The following SASH1 variants were observed in gnomAD, a reference collection of about 807,000 sequenced individuals.
The protein encoded by SASH1 is SAM and SH3 domain-containing protein 1.
In SASH1, 44 loss-of-function variants were observed where a neutral mutation model predicts 125.2. The observed-to-expected ratio is 0.35, with a 90% confidence interval of 0.28 to 0.45. SASH1 has a LOEUF of 0.45. Among genes scored for constraint, SASH1 ranks in the 20% least tolerant of loss-of-function variants. The pLI, the probability that SASH1 is intolerant of heterozygous loss-of-function variation, is 1.00. For missense variants in SASH1, 1,426 were observed against 1,614.5 expected (o/e 0.88, Z 2.00); for synonymous variants, 639 against 649.1 (o/e 0.98, Z 0.24).
intron 1 of SASH1, among the ~76,000 whole-genome samples, chr6:148,326,170 G>A (rs1780789330): frequency 6.7e-6 from 1 of 149,002 alleles, no homozygotes; most frequent in African/African-American, 2.5e-5. Context: ...TGGGATTACA[G>A]GTGTCCACCA....
At chr6:148,491,057 G>A (rs938067737) in intron 8 of SASH1, among the ~76,000 whole-genome samples, 5 of 152,216 alleles carry the variant, frequency 3.3e-5, no homozygotes, top group Middle Eastern at 3.4e-3. Flanking sequence ...GTCCTCAAGC[G>A]TATTTATTGC....
chr6:148,369,966 C>CAAAAAAAAAAAAAAAAAAAA (rs562924566), intron 1 of SASH1, among the ~76,000 whole-genome samples: 63 of 93,376 alleles, frequency 6.7e-4, no homozygotes, highest in South Asian at 1.3e-3. Flanking sequence ...AAAAGAAAAA[C>CAAAAAAAAAAAAAAAAAAAA]AAAAAAAAAA....
upstream of SASH1, among the ~76,000 whole-genome samples, chr6:148,341,742 G>A (rs1416232785): frequency 6.6e-6 from 1 of 151,628 alleles, no homozygotes; most frequent in Non-Finnish European, 1.5e-5. Context: ...CTCAAAACAA[G>A]CAGGGCTCTC....
intron 2 of SASH1, among the ~76,000 whole-genome samples, chr6:148,422,424 T>C (rs1025819554): frequency 2.6e-5 from 4 of 152,198 alleles, no homozygotes; most frequent in African/African-American, 4.8e-5. Context: ...AAAGAAAAAG[T>C]TGGGCCTTGT....
chr6:148,396,883 TGAA>T (rs1363464061), intron 2 of SASH1, among the ~76,000 whole-genome samples: 1 of 152,114 alleles, frequency 6.6e-6, no homozygotes, highest in African/African-American at 2.4e-5. Flanking sequence ...GAGGCTTAAA[TGAA>T]AAAAATTGCT....
At chr6:148,347,302 CCT>C (rs766170664) in intron 1 of SASH1, among the ~76,000 whole-genome samples, 21 of 152,130 alleles carry the variant, frequency 1.4e-4, no homozygotes, top group African/African-American at 2.9e-4. Context: ...CCTGAAATTT[CCT>C]CTGTTTTTGC....
At chr6:148,303,709 C>T (rs540045760) in intron 1 of SASH1, among the ~76,000 whole-genome samples, 9 of 151,342 alleles carry the variant, frequency 5.9e-5, no homozygotes, top group African/African-American at 1.5e-4. Context: ...GCAGGAGAAT[C>T]GCTAGAACTC....
chr6:148,291,721 G>A (rs886153622), intron 1 of SASH1, among the ~76,000 whole-genome samples: 17 of 151,808 alleles, frequency 1.1e-4, no homozygotes, highest in Non-Finnish European at 8.8e-5. Flanking sequence ...TTTATGACTC[G>A]GGGACTTTTT....
intron 2 of SASH1, among the ~76,000 whole-genome samples, chr6:148,408,516 T>C (rs1784472601): frequency 6.6e-6 from 1 of 152,212 alleles, no homozygotes; most frequent in Non-Finnish European, 1.5e-5. Context: ...ACTCAATGTA[T>C]AAAAGAAGTT....
intron 1 of SASH1, among the ~76,000 whole-genome samples, chr6:148,350,161 A>G (rs1475976861): frequency 6.6e-6 from 1 of 152,040 alleles, no homozygotes; most frequent in East Asian, 1.9e-4. Flanking sequence ...CTTTCTCTCT[A>G]AAGGAAAAGG....
the SASH1 span, among the ~76,000 whole-genome samples, chr6:148,238,812 CG>C: frequency 2.0e-5 from 3 of 152,120 alleles, no homozygotes; most frequent in African/African-American, 7.2e-5. Flanking sequence ...CATCTAGGCA[CG>C]TTCCTCTGCT....
At chr6:148,218,909 T>A in the SASH1 span, among the ~76,000 whole-genome samples, 1 of 152,162 alleles carries the variant, frequency 6.6e-6, no homozygotes, top group East Asian at 1.9e-4. Context: ...CTCTGAAATA[T>A]CCCTCTTCCA....
At chr6:148,364,587 C>T (rs759545393) in intron 1 of SASH1, among the ~76,000 whole-genome samples, 1 of 152,024 alleles carries the variant, frequency 6.6e-6, no homozygotes, top group Non-Finnish European at 1.5e-5. Context: ...TCAAGAAGAA[C>T]GTAAGGCTAG....
chr6:148,484,230 C>T (rs971295583), intron 7 of SASH1, among the ~76,000 whole-genome samples: 1 of 152,106 alleles, frequency 6.6e-6, no homozygotes, highest in Non-Finnish European at 1.5e-5. Context: ...ATAAGCATTA[C>T]TCTTTTAAAG....
At chr6:148,448,996 T>A (rs1461415381) in intron 4 of SASH1, among the ~76,000 whole-genome samples, 1 of 152,032 alleles carries the variant, frequency 6.6e-6, no homozygotes, top group Non-Finnish European at 1.5e-5. Context: ...ACTTCTATAG[T>A]CTTTCCTTTG....
rs901320020 is a variant in SASH1 at position 148,508,689 on chromosome 6, G to A, written c.730-5635G>A. On this transcript the variant is annotated intron_variant, in intron 8 of 19. Transcript: ENST00000367467. The stretch of plus-strand genomic sequence containing the variant: ...TCTTCCCCTTTCTCCTTCGGATACT[G>A]AGCTGTGACGGTGGAGCCTGCCTGA... 6 of 1,186,696 alleles carry A rather than the reference G, an allele frequency of 5.1e-6. No individual in the cohort carries two copies. The African/African-American group carries it at 9.6e-5, about 19-fold the overall frequency. 73.5% of individuals were successfully genotyped at this position (1,186,696 alleles called of 1,614,324 possible). A position where few individuals can be genotyped will look rare whatever the true frequency, so the allele number is the denominator to read the frequency against.
upstream of SASH1, among the ~76,000 whole-genome samples, chr6:148,337,958 C>A (rs1781209693): frequency 6.7e-6 from 1 of 149,958 alleles, no homozygotes; most frequent in African/African-American, 2.4e-5. Flanking sequence ...TTGGAATTCA[C>A]TCACCCACAG....
intron 1 of SASH1, among the ~76,000 whole-genome samples, chr6:148,273,426 TG>T (rs1779112449): frequency 6.6e-6 from 1 of 151,518 alleles, no homozygotes; most frequent in Non-Finnish European, 1.5e-5. Context: ...CCTGAGTAGC[TG>T]GGATTACAGG....
At chr6:148,405,788 A>G (rs1439132129) in intron 2 of SASH1, among the ~76,000 whole-genome samples, 2 of 152,208 alleles carry the variant, frequency 1.3e-5, no homozygotes, top group Non-Finnish European at 2.9e-5. Flanking sequence ...ATTTTCCCAT[A>G]GAAACTTGTT....
Sources: allele counts gnomAD v4.1 joint callset (sites outside exome capture counted in the v4.1 genomes callset), GRCh38; gene constraint gnomAD v4.1.1; transcripts MANE v1.5; gene names NCBI Gene and HGNC (gene_info 2026-07-23, HGNC 2026-07-21).